The following TMCO4 variants were observed in gnomAD, a reference collection of about 807,000 sequenced individuals.
TMCO4 encodes the protein transmembrane and coiled-coil domains 4, also known as transmembrane and coiled-coil domain-containing protein 4.
Under a neutral mutation model 64.7 loss-of-function variants are expected in TMCO4, and 58 were observed. That is an observed-to-expected ratio of 0.90 (90% CI 0.73 to 1.12). The LOEUF is 1.12. Among genes scored for constraint, TMCO4 ranks in the 50% most tolerant of loss-of-function variants. The probability of loss-of-function intolerance (pLI) is 0.00; values close to 1 mark genes in which losing one functional copy is unlikely to be tolerated. For synonymous variants in TMCO4, 325 were observed against 346.1 expected (o/e 0.94, Z 0.68); for missense variants, 780 against 825.9 (o/e 0.94, Z 0.68).
chr1:19,712,707 C>T (rs1334319064), intron 13 of TMCO4, among the ~76,000 whole-genome samples: 1 of 151,786 alleles, frequency 6.6e-6, no homozygotes, highest in Non-Finnish European at 1.5e-5. Flanking sequence ...AGCACATGTA[C>T]TAGTGAAAAG....
chr1:19,725,114 G>T (rs2095403048), intron 13 of TMCO4, among the ~76,000 whole-genome samples: 1 of 152,176 alleles, frequency 6.6e-6, no homozygotes, highest in South Asian at 2.1e-4. Flanking sequence ...TAGGAAAAGT[G>T]ATCAAATTGA....
intron 11 of TMCO4, among the ~76,000 whole-genome samples, 196 bp from the exon 12 acceptor site, chr1:19,740,156 C>G (rs756443185): frequency 6.6e-6 from 1 of 152,198 alleles, no homozygotes; most frequent in African/African-American, 2.4e-5. Flanking sequence ...CCCTTCTGCT[C>G]AAGCCCTTGT....
intron 13 of TMCO4, among the ~76,000 whole-genome samples, chr1:19,701,444 T>A (rs1377808216): frequency 6.6e-6 from 1 of 152,176 alleles, no homozygotes; most frequent in African/African-American, 2.4e-5. Context: ...AGTACTGGGA[T>A]TACAAGCGTG....
Position 19,771,165 on chromosome 1 carries a change from G to T in TMCO4, c.354+143C>A, listed in dbSNP as rs558315009. 4.4e-4 allele frequency: 396 copies of T among 906,616 alleles called. No homozygotes were observed. The African/African-American group carries it at 5.9e-3, about 14-fold the overall frequency. The allele number at this position is 906,616 out of a possible 1,614,324, so 56.2% of individuals were successfully genotyped here. On this transcript the variant is annotated intron_variant, in intron 5 of 15. Coordinates refer to ENST00000294543, the MANE Select transcript of TMCO4 (RefSeq NM_181719.7). ...ATTCAATAATGATAATTCAACATCA[G>T]CTATGATCATGATATGATATTATGA...
chr1:19,748,126 T>G (rs1557561069), intron 7 of TMCO4, among the ~76,000 whole-genome samples: 1 of 152,198 alleles, frequency 6.6e-6, no homozygotes, highest in Non-Finnish European at 1.5e-5. Context: ...ATATTATAGA[T>G]GAATTAAGGG....
intron 6 of TMCO4, among the ~76,000 whole-genome samples, chr1:19,762,884 C>A (rs563789207): frequency 3.0e-4 from 46 of 152,106 alleles, no homozygotes; most frequent in Non-Finnish European, 2.5e-4. Context: ...ATGGTCAATC[C>A]CCGCCCTTTG....
chr1:19,694,351 C>T, intron 15 of TMCO4, 83 bp downstream of exon 15: 1 of 1,212,450 alleles, frequency 8.2e-7, no homozygotes, highest in Non-Finnish European at 1.2e-6. Context: ...CAGGCTGGGG[C>T]CACTGTCTCC....
intron 4 of TMCO4, 75 bp downstream of exon 4, chr1:19,780,505 G>C (rs2043415916): frequency 6.7e-7 from 1 of 1,500,306 alleles, no homozygotes; most frequent in Non-Finnish European, 8.9e-7. Flanking sequence ...CATCGTGCCT[G>C]GCAGGCTGTT....
intron 14 of TMCO4, among the ~76,000 whole-genome samples, chr1:19,699,486 C>CATATATATAT (rs10587817): frequency 5.6e-4 from 76 of 136,410 alleles, no homozygotes; most frequent in East Asian, 1.3e-3. Flanking sequence ...TTTTCATATA[C>CATATATATAT]ATATATATAT....
intron 1 of TMCO4, among the ~76,000 whole-genome samples, chr1:19,799,560 C>G (rs538614942): frequency 2.3e-3 from 355 of 152,314 alleles, no homozygotes; most frequent in Non-Finnish European, 3.7e-3. Context: ...CGGAGTCGCC[C>G]GAGTGCTCCG....
At chr1:19,762,077 G>A (rs61768299) in intron 6 of TMCO4, among the ~76,000 whole-genome samples, 1 of 152,178 alleles carries the variant, frequency 6.6e-6, no homozygotes, top group African/African-American at 2.4e-5. Context: ...AGCCACACAG[G>A]TCAGAGAGTG....
chr1:19,700,911 G>A (rs10799834), intron 13 of TMCO4, 26 bp from the exon 14 acceptor site: 491,994 of 1,601,712 alleles, frequency 0.31, 80,622 homozygotes, highest in East Asian at 0.66. Context: ...AGAAAAGGCC[G>A]TCAGTGTCCC....
intron 7 of TMCO4, chr1:19,750,445 T>G (rs977010388): frequency 2.0e-5 from 3 of 152,176 alleles, no homozygotes; most frequent in African/African-American, 7.2e-5. Flanking sequence ...TTTTTCTGAG[T>G]GTTGATTTTC....
intron 7 of TMCO4, among the ~76,000 whole-genome samples, chr1:19,748,656 C>T (rs899712208): frequency 7.2e-5 from 11 of 152,128 alleles, no homozygotes; most frequent in Non-Finnish European, 1.5e-4. Flanking sequence ...GAAACCCCAT[C>T]TCTACTAAAA....
At chr1:19,694,344 G>T in intron 15 of TMCO4, 90 bp downstream of exon 15, 1 of 1,124,254 alleles carries the variant, frequency 8.9e-7, no homozygotes, top group Non-Finnish European at 1.3e-6. Context: ...CGTGGACCAG[G>T]CTGGGGCCAC....
intron 2 of TMCO4, among the ~76,000 whole-genome samples, chr1:19,790,778 T>C (rs2043992039): frequency 6.6e-6 from 1 of 152,146 alleles, no homozygotes. Context: ...GAACCGGAAA[T>C]ACCATTTGAC....
At chr1:19,689,394 C>T (rs974526632) in intron 15 of TMCO4, among the ~76,000 whole-genome samples, 8 of 152,264 alleles carry the variant, frequency 5.3e-5, no homozygotes, top group Admixed American at 3.9e-4. Context: ...GTCCCAGAGG[C>T]AAACAAACTG....
chr1:19,723,660 G>A (rs931223341), intron 13 of TMCO4, among the ~76,000 whole-genome samples: 11 of 152,192 alleles, frequency 7.2e-5, no homozygotes, highest in African/African-American at 2.4e-4. Flanking sequence ...TCATCACTGC[G>A]TTTCAGGGTG....
Position 19,707,410 on chromosome 1 carries a change from G to A in TMCO4, c.1265-6525C>T, listed in dbSNP as rs1028727631. On this transcript the variant is annotated intron_variant, in intron 13 of 15. Coordinates refer to ENST00000294543, the MANE Select transcript of TMCO4 (RefSeq NM_181719.7). ...GGCCAAGGTCGGTGGATTGCTTGAG[G>A]CCAGCAGTTTGAGACCAGTCTGGCC... Among the ~76,000 whole-genome samples, 4 of 152,202 alleles carry A rather than the reference G, an allele frequency of 2.6e-5. 1 individual carries two copies. Among genetic ancestry groups the A allele is most frequent in the Non-Finnish European group, 5.9e-5 (4 of 68,034 alleles).
Sources: allele counts gnomAD v4.1 joint callset (sites outside exome capture counted in the v4.1 genomes callset), GRCh38; gene constraint gnomAD v4.1.1; transcripts MANE v1.5; gene names NCBI Gene and HGNC (gene_info 2026-07-23, HGNC 2026-07-21).